Variants in SCAF8 observed in about 807,000 individuals in gnomAD.
The protein encoded by SCAF8 is SR-related CTD associated factor 8, also known as SR-related and CTD-associated factor 8.
SCAF8 carries 23 observed loss-of-function variants against 140.5 expected under a neutral mutation model. The ratio of observed to expected loss-of-function variants is 0.16; its 90% confidence interval spans 0.12 to 0.23. SCAF8 has a LOEUF of 0.23. Ranked by LOEUF, SCAF8 falls within the 10% of genes least tolerant of loss-of-function variation. The pLI, the probability that SCAF8 is intolerant of heterozygous loss-of-function variation, is 1.00. For synonymous variants in SCAF8, 575 were observed against 528.9 expected (o/e 1.09, Z -1.20); for missense variants, 1,397 against 1,555.7 (o/e 0.90, Z 1.72).
chr6:154,756,654 G>A (rs1008677727), intron 1 of SCAF8, among the ~76,000 whole-genome samples: 4 of 152,150 alleles, frequency 2.6e-5, no homozygotes, highest in African/African-American at 9.7e-5. Flanking sequence ...TTTATACATT[G>A]TATACAAGGA....
chr6:154,769,490 G>A (rs190774448), intron 1 of SCAF8, among the ~76,000 whole-genome samples: 160 of 152,282 alleles, frequency 1.1e-3, no homozygotes, highest in African/African-American at 3.7e-3. Context: ...CTTTCACATG[G>A]CTGAGTGAAT....
At chr6:154,813,156 A>G (rs1166259699) in intron 12 of SCAF8, among the ~76,000 whole-genome samples, 2 of 152,132 alleles carry the variant, frequency 1.3e-5, no homozygotes, top group Non-Finnish European at 2.9e-5. Context: ...GCAGTGGGAT[A>G]TGATTGTGCC....
intron 1 of SCAF8, among the ~76,000 whole-genome samples, chr6:154,741,187 G>A (rs1487068365): frequency 6.6e-6 from 1 of 152,000 alleles, no homozygotes; most frequent in Non-Finnish European, 1.5e-5. Flanking sequence ...TAGAATACAA[G>A]GATAATTGAA....
chr6:154,825,655 C>CAAAAAA (rs34342159), intron 17 of SCAF8, among the ~76,000 whole-genome samples: 22 of 64,318 alleles, frequency 3.4e-4, no homozygotes, highest in African/African-American at 1.2e-3. Context: ...GACCTTGTCT[C>CAAAAAA]AAAAAAAAAA....
rs1778781510 is a variant in SCAF8 at position 154,832,633 on chromosome 6, T to G, written c.3054T>G (p.Phe1018Leu). The change falls in exon 20 of 20, where the codon TTT (phenylalanine) becomes TTG (leucine). Residue 1018 changes from phenylalanine (F) to leucine (L), a missense_variant. Physicochemically the swap from Phe to Leu is conservative, Grantham distance 22. Transcript: ENST00000367178. ...AGGAAGGAGATAGAGATTACCGGTT[T>G]CCTCCTATAGAAACCAGGGAAAGCA... ...IQQEGDRDYR[F>L]PPIETRESIS... 6.2e-7 allele frequency: 1 copy of G among 1,613,980 alleles called. No individual in the cohort carries two copies. The highest frequency in any genetic ancestry group is 1.3e-5 in the African/African-American group (1 of 74,928).
At chr6:154,794,597 A>G (rs1288286418) in intron 5 of SCAF8, among the ~76,000 whole-genome samples, 1 of 152,092 alleles carries the variant, frequency 6.6e-6, no homozygotes, top group Non-Finnish European at 1.5e-5. Context: ...TATCATAGGT[A>G]TATGTGTACG....
intron 1 of SCAF8, among the ~76,000 whole-genome samples, chr6:154,772,239 T>G (rs1776790162): frequency 6.6e-6 from 1 of 152,234 alleles, no homozygotes; most frequent in Non-Finnish European, 1.5e-5. Context: ...GGCCAAAGTT[T>G]AGTTTCGACT....
At chr6:154,770,442 C>T (rs568933232) in intron 1 of SCAF8, among the ~76,000 whole-genome samples, 5 of 149,124 alleles carry the variant, frequency 3.4e-5, no homozygotes, top group South Asian at 2.1e-4. Flanking sequence ...TGTGGCGGTC[C>T]GTGCCTATAG....
intron 6 of SCAF8, among the ~76,000 whole-genome samples, chr6:154,800,445 C>T (rs1386001428): frequency 6.6e-6 from 1 of 151,544 alleles, no homozygotes; most frequent in African/African-American, 2.4e-5. Flanking sequence ...AGTTAAATGG[C>T]AGACTTAAGT....
intron 1 of SCAF8, among the ~76,000 whole-genome samples, chr6:154,738,642 A>G (rs773952994): frequency 5.9e-5 from 9 of 152,256 alleles, no homozygotes; most frequent in Non-Finnish European, 1.2e-4. Flanking sequence ...GCAGTTAACC[A>G]TAAGAGAATT....
chr6:154,812,252 A>G (rs988429669), intron 12 of SCAF8, among the ~76,000 whole-genome samples: 3 of 34,752 alleles, frequency 8.6e-5, no homozygotes, highest in African/African-American at 3.4e-4. Flanking sequence ...TCTTGGCACT[A>G]TTTTTCCAAT....
chr6:154,777,845 A>G (rs900146252), intron 2 of SCAF8, among the ~76,000 whole-genome samples, 156 bp from the exon 3 acceptor site: 2 of 152,226 alleles, frequency 1.3e-5, no homozygotes, highest in African/African-American at 4.8e-5. Context: ...AGCTAGTTGC[A>G]TATAAAGGTG....
chr6:154,831,703 TAAA>T (rs58013583), intron 19 of SCAF8, among the ~76,000 whole-genome samples: 56 of 48,052 alleles, frequency 1.2e-3, no homozygotes, highest in South Asian at 3.9e-3. Context: ...CTCCTGTTCT[TAAA>T]AAAAAAAAAA....
intron 1 of SCAF8, among the ~76,000 whole-genome samples, chr6:154,745,908 C>T (rs1430379303): frequency 6.6e-6 from 1 of 151,962 alleles, no homozygotes; most frequent in East Asian, 1.9e-4. Context: ...GCGACAGAGT[C>T]TCACTCTGTC....
At chr6:154,777,460 A>G (rs1330011501) in intron 2 of SCAF8, among the ~76,000 whole-genome samples, 1 of 147,160 alleles carries the variant, frequency 6.8e-6, no homozygotes, top group African/African-American at 2.4e-5. Flanking sequence ...CCATTAGGAT[A>G]TTATACATTT....
intron 1 of SCAF8, among the ~76,000 whole-genome samples, chr6:154,759,052 C>T (rs759979135): frequency 3.9e-5 from 6 of 152,278 alleles, no homozygotes; most frequent in Non-Finnish European, 8.8e-5. Context: ...CCACCCACCC[C>T]GTCCCCTTAG....
intron 3 of SCAF8, among the ~76,000 whole-genome samples, chr6:154,785,162 TGTG>T (rs573043253): frequency 6.1e-4 from 93 of 152,358 alleles, no homozygotes; most frequent in Non-Finnish European, 1.2e-3. Context: ...GATTCATTCT[TGTG>T]GTGTGTAGCA....
chr6:154,807,993 T>C, intron 9 of SCAF8, 77 bp from the exon 10 acceptor site: 1 of 1,279,848 alleles, frequency 7.8e-7, no homozygotes. Flanking sequence ...GTAATTGTGA[T>C]GTTTGCTGTG....
At chr6:154,807,570 C>T (rs189124264) in intron 9 of SCAF8, among the ~76,000 whole-genome samples, 170 of 152,218 alleles carry the variant, frequency 1.1e-3, no homozygotes, top group African/African-American at 3.9e-3. Flanking sequence ...TCAGTAGAGA[C>T]GGGTTTCACC....
Sources: gnomAD v4.1 joint callset for allele counts (sites outside exome capture counted in the v4.1 genomes callset) on GRCh38, gnomAD v4.1.1 for gene constraint, MANE v1.5 for transcripts, NCBI Gene and HGNC (gene_info 2026-07-23, HGNC 2026-07-21) for gene names.